The following SORBS2 variants were observed in gnomAD, a reference collection of about 807,000 sequenced individuals.
The protein encoded by SORBS2 is sorbin and SH3 domain-containing protein 2.
In SORBS2, 46 loss-of-function variants were observed where a neutral mutation model predicts 97.7. The observed-to-expected ratio is 0.47, with a 90% CI of 0.37 to 0.60. The LOEUF is 0.60. SORBS2 is among the 20% of genes least tolerant of loss of function. The pLI is 0.00. For missense variants in SORBS2, 1,316 were observed against 1,282.3 expected, an observed-to-expected ratio of 1.03 and a Z score of -0.40; for synonymous variants, 476 against 473.4, an observed-to-expected ratio of 1.01 and a Z score of -0.07.
intron 1 of SORBS2, among the ~76,000 whole-genome samples, chr4:185,795,054 G>A (rs1272636338): frequency 6.6e-6 from 1 of 152,126 alleles, no homozygotes; most frequent in Non-Finnish European, 1.5e-5. Context: ...GTATAGGCGG[G>A]CTTCATGAGC....
chr4:185,625,234 A>C (rs1405394879), intron 6 of SORBS2, among the ~76,000 whole-genome samples: 1 of 152,230 alleles, frequency 6.6e-6, no homozygotes, highest in Non-Finnish European at 1.5e-5. Context: ...CTTTCATCAG[A>C]GGTGCATATA....
chr4:185,660,938 T>G (rs2097506986), upstream of SORBS2, among the ~76,000 whole-genome samples: 1 of 152,194 alleles, frequency 6.6e-6, no homozygotes, highest in Non-Finnish European at 1.5e-5. Flanking sequence ...TTTCGTATTT[T>G]TTTTGATATT....
At chr4:185,630,650 T>C in intron 4 of SORBS2, 52 bp from the exon 17 acceptor site, 1 of 1,067,724 alleles carries the variant, frequency 9.4e-7, no homozygotes, top group Non-Finnish European at 1.4e-6. Flanking sequence ...GGCAAAATTT[T>C]GTTCACTTGT....
chr4:185,642,553 G>A (rs531963143), intron 4 of SORBS2, among the ~76,000 whole-genome samples: 2 of 152,166 alleles, frequency 1.3e-5, no homozygotes, highest in South Asian at 2.1e-4. Flanking sequence ...TTTGTGGTTC[G>A]AGTCAGTTCA....
At chr4:185,740,874 C>G (rs1344349272) in intron 2 of SORBS2, among the ~76,000 whole-genome samples, 1 of 152,102 alleles carries the variant, frequency 6.6e-6, no homozygotes, top group South Asian at 2.1e-4. Flanking sequence ...CTCGAACCAG[C>G]ACTAACTCGG....
chr4:185,954,415 G>T (rs1421297712), intron 1 of SORBS2, among the ~76,000 whole-genome samples: 1 of 143,336 alleles, frequency 7.0e-6, no homozygotes, highest in Non-Finnish European at 1.5e-5. Context: ...ACACATAAAT[G>T]CTTTTTAAAT....
At chr4:185,651,877 GACA>G (rs1265744598) in intron 2 of SORBS2, 49 bp from the exon 11 acceptor site, 2 of 900,958 alleles carry the variant, frequency 2.2e-6, no homozygotes, top group Admixed American at 2.0e-5. Context: ...GTCACCAAAG[GACA>G]ACGAGACAGC....
intron 1 of SORBS2, among the ~76,000 whole-genome samples, chr4:185,925,604 A>G (rs2099263225): frequency 6.6e-6 from 1 of 152,150 alleles, no homozygotes; most frequent in African/African-American, 2.4e-5. Flanking sequence ...TACATTTTGG[A>G]AATATATGAT....
intron 1 of SORBS2, among the ~76,000 whole-genome samples, chr4:185,949,664 T>C (rs2099276242): frequency 1.3e-5 from 2 of 151,806 alleles, no homozygotes; most frequent in Non-Finnish European, 2.9e-5. Context: ...GGATAATAGA[T>C]GAAAGAAGGA....
At chr4:185,689,872 T>A (rs2098057936) in intron 2 of SORBS2, among the ~76,000 whole-genome samples, 1 of 152,234 alleles carries the variant, frequency 6.6e-6, no homozygotes, top group Admixed American at 6.5e-5. Flanking sequence ...TTACAAAATT[T>A]CAACGAGAAA....
intron 1 of SORBS2, among the ~76,000 whole-genome samples, chr4:185,912,281 C>T (rs2099255552): frequency 6.6e-6 from 1 of 151,868 alleles, no homozygotes; most frequent in African/African-American, 2.4e-5. Flanking sequence ...CAAATGTTTG[C>T]TATTAAAGAT....
intron 1 of SORBS2, among the ~76,000 whole-genome samples, chr4:185,873,335 G>A (rs991114155): frequency 2.0e-5 from 3 of 152,144 alleles, no homozygotes; most frequent in African/African-American, 7.2e-5. Context: ...AATGATGCCC[G>A]CTTCTATTTT....
At chr4:185,865,334 T>C (rs2099226282) in intron 1 of SORBS2, among the ~76,000 whole-genome samples, 1 of 152,184 alleles carries the variant, frequency 6.6e-6, no homozygotes, top group Admixed American at 6.5e-5. Context: ...CTGCTGCATC[T>C]ACCTGCTGGC....
At chr4:185,597,433 A>AG (rs1259939911) in intron 12 of SORBS2, among the ~76,000 whole-genome samples, 1 of 152,260 alleles carries the variant, frequency 6.6e-6, no homozygotes, top group Non-Finnish European at 1.5e-5. Context: ...GTAAAAAAAA[A>AG]TAATGGTTAC....
At chr4:185,818,127 T>A (rs543887126) in intron 1 of SORBS2, among the ~76,000 whole-genome samples, 3 of 152,360 alleles carry the variant, frequency 2.0e-5, no homozygotes, top group Non-Finnish European at 2.9e-5. Context: ...ATGGGAGCTA[T>A]AACCCAGAAT....
intron 1 of SORBS2, among the ~76,000 whole-genome samples, chr4:185,885,849 A>AT (rs2099239124): frequency 6.6e-6 from 1 of 152,206 alleles, no homozygotes; most frequent in Non-Finnish European, 1.5e-5. Flanking sequence ...GAAAATACGA[A>AT]TTCGGTCTTA....
intron 4 of SORBS2, chr4:185,638,996 G>C: frequency 6.6e-7 from 1 of 1,524,114 alleles, no homozygotes; most frequent in Non-Finnish European, 8.8e-7. Context: ...TTCCGGCCAG[G>C]TTCCCTTGGA....
chr4:185,792,272 TC>T (rs2099083564), intron 1 of SORBS2, among the ~76,000 whole-genome samples: 2 of 152,188 alleles, frequency 1.3e-5, no homozygotes, highest in Admixed American at 1.3e-4. Context: ...GATGGGAGGA[TC>T]ACCTGAGGTC....
intron 2 of SORBS2, chr4:185,771,282 C>G (rs189112071): frequency 6.6e-6 from 1 of 152,192 alleles, no homozygotes; most frequent in African/African-American, 2.4e-5. Context: ...TGAGCCACCA[C>G]GCCAAGCCTA....
Sources: allele counts gnomAD v4.1 joint callset (sites outside exome capture counted in the v4.1 genomes callset), GRCh38; gene constraint gnomAD v4.1.1; transcripts MANE v1.5; gene names NCBI Gene and HGNC (gene_info 2026-07-23, HGNC 2026-07-21).